Variants in SUPT3H observed in about 807,000 individuals in gnomAD.
SUPT3H encodes SPT3 homolog, SAGA and STAGA complex component, also known as transcription initiation protein SPT3 homolog.
Under a neutral mutation model 44.3 loss-of-function variants are expected in SUPT3H, and 44 were observed. The observed-to-expected ratio is 0.99, with a 90% CI of 0.78 to 1.28. SUPT3H has a LOEUF of 1.28. Ranked by LOEUF, SUPT3H falls within the 50% of genes most tolerant of loss-of-function variation. SUPT3H has a pLI of 0.00. For missense variants in SUPT3H, 380 were observed against 387.1 expected (o/e 0.98, Z 0.15); for synonymous variants, 124 against 125.6 (o/e 0.99, Z 0.09).
intron 3 of SUPT3H, among the ~76,000 whole-genome samples, chr6:45,051,998 A>C (rs1790372030): frequency 6.6e-6 from 1 of 152,202 alleles, no homozygotes; most frequent in Non-Finnish European, 1.5e-5. Context: ...AGGATCATGC[A>C]CATGGCTACT....
At chr6:45,261,710 G>A (rs1774396006) in intron 2 of SUPT3H, among the ~76,000 whole-genome samples, 1 of 152,054 alleles carries the variant, frequency 6.6e-6, no homozygotes, top group South Asian at 2.1e-4. Flanking sequence ...AGTCAACATA[G>A]TACTGAAAGT....
At chr6:44,857,456 T>G (rs1472535795) in intron 10 of SUPT3H, among the ~76,000 whole-genome samples, 2 of 152,218 alleles carry the variant, frequency 1.3e-5, no homozygotes, top group Non-Finnish European at 2.9e-5. Flanking sequence ...AAAAAATCCA[T>G]ATCAATTGGA....
chr6:44,828,427 A>C lies in SUPT3H; in HGVS notation c.*1389T>G, dbSNP rs1018924452. On this transcript the variant is annotated 3_prime_UTR_variant, in exon 11 of 11. Transcript: ENST00000371459. ...AGGTAAATGACAGTTAACAAATGTAAATAATGTGGCATAATAATATTAACT... is the reference window on the plus strand; with the variant it reads ...AGGTAAATGACAGTTAACAAATGTACATAATGTGGCATAATAATATTAACT... 4.6e-5 allele frequency among the ~76,000 whole-genome samples: 7 copies of C among 152,296 alleles called. No individual in the cohort carries two copies. The highest frequency in any genetic ancestry group is 3.4e-3 in the Middle Eastern group (1 of 294).
At chr6:44,896,320 T>C (rs931970890) in intron 10 of SUPT3H, among the ~76,000 whole-genome samples, 1 of 152,126 alleles carries the variant, frequency 6.6e-6, no homozygotes, top group African/African-American at 2.4e-5. Flanking sequence ...TCATCATTAT[T>C]AACACTTAGG....
In SUPT3H at chr6:44,909,138, T is replaced by TGTGC. The variant is rs1372428908; in HGVS notation, c.912+23511_912+23514dup. Among the ~76,000 whole-genome samples, 5 of 88,278 alleles carry TGTGC rather than the reference T, an allele frequency of 5.7e-5. No individual in the cohort carries two copies. In the South Asian group the frequency reaches 2.2e-3, roughly 38 times the overall value. The allele number at this position is 88,278 out of a possible 152,430, so 57.9% of individuals were successfully genotyped here. Reference sequence around the variant, plus strand: ...TATACCTAAGAGGTGTGTGTGTGTGTGTGCGTGTGTGTGTGTGTGTGTGTG... The same window carrying TGTGC: ...TATACCTAAGAGGTGTGTGTGTGTGTGTGCGTGCGTGTGTGTGTGTGTGTGTGTG... On this transcript the variant is annotated intron_variant, in intron 10 of 10. Coordinates refer to ENST00000371459, the MANE Select transcript of SUPT3H (RefSeq NM_003599.4).
chr6:45,235,047 A>T (rs1272802240), intron 2 of SUPT3H, among the ~76,000 whole-genome samples: 1 of 152,234 alleles, frequency 6.6e-6, no homozygotes, highest in East Asian at 1.9e-4. Context: ...CACAGAAATT[A>T]GATGAGAAAA....
intron 2 of SUPT3H, among the ~76,000 whole-genome samples, chr6:45,112,146 A>G (rs1213981970): frequency 6.6e-6 from 1 of 152,222 alleles, no homozygotes; most frequent in African/African-American, 2.4e-5. Context: ...TTTGAATCAA[A>G]TATATCTGAT....
chr6:45,020,424 A>C, intron 4 of SUPT3H, 122 bp downstream of exon 4: 1 of 668,460 alleles, frequency 1.5e-6, no homozygotes, highest in Non-Finnish European at 2.4e-6. Flanking sequence ...TGAAGACTAA[A>C]ACATCAGTTC....
At chr6:45,031,784 T>C (rs1266538790) in intron 3 of SUPT3H, among the ~76,000 whole-genome samples, 1 of 152,118 alleles carries the variant, frequency 6.6e-6, no homozygotes, top group East Asian at 1.9e-4. Flanking sequence ...AAGGTGCAGA[T>C]GGGAGTCAAT....
intron 2 of SUPT3H, among the ~76,000 whole-genome samples, chr6:45,157,412 C>G (rs1476046119): frequency 1.3e-5 from 2 of 151,854 alleles, no homozygotes; most frequent in African/African-American, 4.8e-5. Context: ...ACATTAGACT[C>G]ACCTACAGAT....
At chr6:45,328,680 T>C in intron 2 of SUPT3H, 3 of 1,611,702 alleles carry the variant, frequency 1.9e-6, no homozygotes, top group South Asian at 1.1e-5. Flanking sequence ...GCAAGCAGTA[T>C]TTACAACAGA....
chr6:44,817,836 A>T (rs911278641), intron 11 of SUPT3H, among the ~76,000 whole-genome samples: 1 of 152,170 alleles, frequency 6.6e-6, no homozygotes, highest in Admixed American at 6.5e-5. Context: ...ATTTAAAAAG[A>T]CCTTTATAAA....
At chr6:44,964,194 A>G (rs767122870) in intron 6 of SUPT3H, among the ~76,000 whole-genome samples, 5 of 152,154 alleles carry the variant, frequency 3.3e-5, no homozygotes, top group African/African-American at 4.8e-5. Context: ...AGCAATAAAC[A>G]TTTGTTGGAT....
chr6:44,843,345 A>G (rs1771306263), intron 10 of SUPT3H, among the ~76,000 whole-genome samples: 1 of 152,224 alleles, frequency 6.6e-6, no homozygotes, highest in Admixed American at 6.5e-5. Context: ...GATCAGGGAT[A>G]AAGCAAAGAT....
chr6:44,870,315 G>A (rs888603714), intron 10 of SUPT3H, among the ~76,000 whole-genome samples: 7 of 152,172 alleles, frequency 4.6e-5, no homozygotes, highest in East Asian at 3.9e-4. Context: ...TGTGTATGTC[G>A]GCCAGGCGTG....
At chr6:45,088,597 C>T (rs559560301) in intron 3 of SUPT3H, among the ~76,000 whole-genome samples, 4 of 152,024 alleles carry the variant, frequency 2.6e-5, no homozygotes, top group Admixed American at 2.0e-4. Flanking sequence ...TCAAATCCAG[C>T]AATGTTTGTC....
intron 11 of SUPT3H, among the ~76,000 whole-genome samples, chr6:44,821,254 A>T (rs1323309666): frequency 6.6e-6 from 1 of 152,226 alleles, no homozygotes; most frequent in Non-Finnish European, 1.5e-5. Flanking sequence ...TACTCATGGT[A>T]TGCACAGCTA....
At chr6:44,905,044 T>C (rs1341236081) in intron 10 of SUPT3H, among the ~76,000 whole-genome samples, 1 of 152,098 alleles carries the variant, frequency 6.6e-6, no homozygotes, top group African/African-American at 2.4e-5. Flanking sequence ...GACTTAAACG[T>C]TAGACCTAAA....
At chr6:45,338,596 G>A (rs2150121623) in intron 2 of SUPT3H, among the ~76,000 whole-genome samples, 1 of 152,144 alleles carries the variant, frequency 6.6e-6, no homozygotes, top group African/African-American at 2.4e-5. Context: ...AATTTAGGAA[G>A]CTCTGAGGGT....
Sources: gnomAD v4.1 joint callset for allele counts (sites outside exome capture counted in the v4.1 genomes callset) on GRCh38, gnomAD v4.1.1 for gene constraint, MANE v1.5 for transcripts, NCBI Gene and HGNC (gene_info 2026-07-23, HGNC 2026-07-21) for gene names.